Variants in PAQR9 observed in about 807,000 individuals in gnomAD.
The protein encoded by PAQR9 is membrane progestin receptor epsilon.
PAQR9 carries 12 observed loss-of-function variants against 24.0 expected under a neutral mutation model. That is an observed-to-expected ratio of 0.50 (90% CI 0.32 to 0.81). PAQR9 has a LOEUF of 0.81. Among genes scored for constraint, PAQR9 ranks in the 30% least tolerant of loss-of-function variants. PAQR9 has a pLI of 0.03. For missense variants in PAQR9, 418 were observed against 520.8 expected, an observed-to-expected ratio of 0.80 and a Z score of 1.92; for synonymous variants, 266 against 237.6, an observed-to-expected ratio of 1.12 and a Z score of -1.10.
Position 142,962,388 on chromosome 3 carries a change from A to C in PAQR9, c.949T>G (p.Phe317Val). ...IGHSHQLFHI[F>V]TFLSIYDQVY... The stretch of plus-strand genomic sequence containing the variant: ...TGGTCGTAGATGCTGAGGAAGGTGA[A>C]GATGTGGAAGAGCTGGTGGCTGTGG... The change falls in exon 1 of 1, where the codon TTC (phenylalanine) becomes GTC (valine). Residue 317 changes from phenylalanine (F) to valine (V), a missense_variant. Transcript: ENST00000340634. 1 of 1,614,144 alleles carries C rather than the reference A, an allele frequency of 6.2e-7. No individual in the cohort carries two copies. The highest frequency in any genetic ancestry group is 8.5e-7 in the Non-Finnish European group (1 of 1,180,026).
chr3:142,950,661 G>A (rs115884968), downstream of PAQR9: 1,592 of 284,298 alleles, frequency 5.6e-3, 25 homozygotes, highest in African/African-American at 0.033. Context: ...ATGAAGACCT[G>A]TGCAGGCAAG....
chr3:142,963,691 G>T, upstream of PAQR9: 2 of 658,512 alleles, frequency 3.0e-6, no homozygotes, highest in Non-Finnish European at 3.8e-6. Context: ...CGCGCGGTGC[G>T]GGTGCCTCCG....
chr3:142,950,445 T>G, downstream of PAQR9: 1 of 256,100 alleles, frequency 3.9e-6, no homozygotes. Context: ...GAAGAGTTGT[T>G]GATTTTTCAG....
downstream of PAQR9, chr3:142,952,741 G>A (rs1286895025): frequency 4.4e-6 from 2 of 456,500 alleles, no homozygotes; most frequent in Admixed American, 2.3e-5. Flanking sequence ...AGCCAGGGCT[G>A]AGGATTCCAG....
In PAQR9 at chr3:142,960,961, T is replaced by C. The variant is rs1934879330; in HGVS notation, c.*1242A>G. ...TATTCTTGGATATTATGTTTTTAAT[T>C]TTAAGCAAGGATGGATGGCATCAGT... On this transcript the variant is annotated 3_prime_UTR_variant, in exon 1 of 1. Coordinates refer to ENST00000340634, the MANE Select transcript of PAQR9 (RefSeq NM_198504.4). 6.6e-6 allele frequency: 1 copy of C among 152,246 alleles called. No homozygotes were observed. The highest frequency in any genetic ancestry group is 2.4e-5 in the African/African-American group (1 of 41,454). 9.4% of individuals were successfully genotyped at this position (152,246 alleles called of 1,614,324 possible).
chr3:142,959,095 C>A lies in PAQR9; in HGVS notation c.*3108G>T, dbSNP rs544184002. Among the ~76,000 whole-genome samples the A allele has an allele frequency of 5.9e-5, 9 of 152,290 alleles. No individual in the cohort carries two copies. In the East Asian group the frequency reaches 1.7e-3, roughly 29 times the overall value. On this transcript the variant is annotated 3_prime_UTR_variant, in exon 1 of 1. Transcript: ENST00000340634. ...ATATTACATAATATGCTTCAAAATTCTACTGCCAAAATAGGTTGTACATAG... is the reference window on the plus strand; with the variant it reads ...ATATTACATAATATGCTTCAAAATTATACTGCCAAAATAGGTTGTACATAG...
At chr3:142,963,869 C>T (rs949090810), upstream of PAQR9, 462 of 985,256 alleles carry the variant, frequency 4.7e-4, no homozygotes, top group Non-Finnish European at 5.2e-4. Context: ...CTCCTCGGGC[C>T]GCCGCAGCCC....
At chr3:142,950,920 C>G (rs1023524620), downstream of PAQR9, among the ~76,000 whole-genome samples, 4 of 152,148 alleles carry the variant, frequency 2.6e-5, no homozygotes, top group African/African-American at 9.7e-5. Context: ...TATTTTAGAT[C>G]AAAGACTTAC....
chr3:142,957,654 A>G lies in PAQR9; in HGVS notation c.*4549T>C, dbSNP rs370028207. On this transcript the variant is annotated 3_prime_UTR_variant, in exon 1 of 1. Transcript: ENST00000340634. ...GCACTTTGGATGATCCACTCTTCAT[A>G]ATAGTATGAATACTATCAATCTTCC... is the stretch of plus-strand genomic sequence containing the variant. 9.2e-5 allele frequency among the ~76,000 whole-genome samples: 14 copies of G among 152,346 alleles called. No individual in the cohort carries two copies. The East Asian group carries it at 2.7e-3, about 29-fold the overall frequency.
downstream of PAQR9, among the ~76,000 whole-genome samples, chr3:142,952,334 G>A (rs552150053): frequency 2.6e-5 from 4 of 152,186 alleles, no homozygotes; most frequent in African/African-American, 9.6e-5. Flanking sequence ...GCATCACTTC[G>A]GGGTCACTGG....
In PAQR9 at chr3:142,962,076, T is replaced by C. The variant is rs1412892553; in HGVS notation, c.*127A>G. On this transcript the variant is annotated 3_prime_UTR_variant, in exon 1 of 1. Transcript: ENST00000340634. ...CCTTTGTAGCAGTGAACTTTTTCCC[T>C]ATGGTTTTGCAGCACCTTCCTTGAG... 8.6e-7 allele frequency: 1 copy of C among 1,163,784 alleles called. No homozygotes were observed. The highest frequency in any genetic ancestry group is 2.3e-5 in the East Asian group (1 of 42,728). 72.1% of individuals were successfully genotyped at this position (1,163,784 alleles called of 1,614,324 possible).
At chr3:142,951,660 G>A, downstream of PAQR9, 1 of 454,512 alleles carries the variant, frequency 2.2e-6, no homozygotes, top group Non-Finnish European at 4.4e-6. Context: ...ACAAGAATTA[G>A]AATGTCTCTA....
chr3:142,963,846 C>G, upstream of PAQR9: 3 of 985,284 alleles, frequency 3.0e-6, no homozygotes, highest in Non-Finnish European at 3.6e-6. Context: ...GTCTCGAGTT[C>G]CGTACCATCC....
At position 142,955,087 on chromosome 3, in the gene PAQR9, A is replaced by G. The variant is rs1934770762; in HGVS notation, c.*7116T>C. 6.6e-6 allele frequency among the ~76,000 whole-genome samples: 1 copy of G among 152,116 alleles called. No individual in the cohort carries two copies. The highest frequency in any genetic ancestry group is 6.5e-5 in the Admixed American group (1 of 15,282). ...ATGAACTTAAAAACAAAAACAAAAA[A>G]CAGACACATGAAGGTCTCTATTTGA... On this transcript the variant is annotated 3_prime_UTR_variant, in exon 1 of 1. Transcript: ENST00000340634.
chr3:142,962,338 C>A lies in PAQR9; in HGVS notation c.999G>T (p.Leu333=), dbSNP rs751434392. ...CAGGCGGCGCCTGGAGGAACTGGCG[C>A]AGGCCCTCTTCTACGTAGTACACCT... ...YDQVYYVEEG[L]RQFLQAPPAA... The change falls in exon 1 of 1, where the codon CTG becomes CTT. Residue 333 remains leucine (L), a synonymous_variant. Coordinates refer to ENST00000340634, the MANE Select transcript of PAQR9 (RefSeq NM_198504.4). The A allele has an allele frequency of 1.2e-6, 2 of 1,614,114 alleles. No homozygotes were observed. The highest frequency in any genetic ancestry group is 1.7e-6 in the Non-Finnish European group (2 of 1,180,028).
At position 142,959,294 on chromosome 3, in the gene PAQR9, T is replaced by G. The variant is rs571053711; in HGVS notation, c.*2909A>C. Among the ~76,000 whole-genome samples the G allele has an allele frequency of 1.3e-5, 2 of 152,318 alleles. No homozygotes were observed. Among genetic ancestry groups the G allele is most frequent in the East Asian group, 3.9e-4 (2 of 5,190 alleles). ...TGTGTAATAAACCTGGATAGTTCCG[T>G]GCAAATGGGGAGATTCAAAGTAAAT... On this transcript the variant is annotated 3_prime_UTR_variant, in exon 1 of 1. Transcript: ENST00000340634.
At chr3:142,950,339 C>T (rs1934696549), downstream of PAQR9, 1 of 164,478 alleles carries the variant, frequency 6.1e-6, no homozygotes, top group East Asian at 1.7e-4. Flanking sequence ...GGTTCCTGCT[C>T]TGTTAAATTG....
Position 142,962,341 on chromosome 3 carries a change from G to T in PAQR9, c.996C>A (p.Gly332=). 1 of 1,614,112 alleles carries T rather than the reference G, an allele frequency of 6.2e-7. No homozygotes were observed. Among genetic ancestry groups the T allele is most frequent in the Admixed American group, 1.7e-5 (1 of 60,022 alleles). The part of the protein sequence containing the change: ...IYDQVYYVEE[G]LRQFLQAPPA... Reference sequence around the variant, plus strand: ...GCGGCGCCTGGAGGAACTGGCGCAGGCCCTCTTCTACGTAGTACACCTGGT... The same window carrying T: ...GCGGCGCCTGGAGGAACTGGCGCAGTCCCTCTTCTACGTAGTACACCTGGT... The change falls in exon 1 of 1, where the codon GGC becomes GGA. Residue 332 remains glycine (G), a synonymous_variant. Transcript: ENST00000340634.
In PAQR9 at chr3:142,955,442, TAAAAAAAAAAAAAAAAAAAAAAA is replaced by T. The variant is rs150071656; in HGVS notation, c.*6738_*6760del. Among the ~76,000 whole-genome samples, 10 of 21,576 alleles carry T rather than the reference TAAAAAAAAAAAAAAAAAAAAAAA, an allele frequency of 4.6e-4. No homozygotes were observed. Among genetic ancestry groups the T allele is most frequent in the African/African-American group, 1.1e-3 (9 of 8,566 alleles). 14.2% of individuals were successfully genotyped at this position (21,576 alleles called of 152,430 possible). A position where few individuals can be genotyped will look rare whatever the true frequency, so the allele number is the denominator to read the frequency against. On this transcript the variant is annotated 3_prime_UTR_variant, in exon 1 of 1. Transcript: ENST00000340634. ...GAGCGACCACATGGTCTATACAAAT[TAAAAAAAAAAAAAAAAAAAAAAA>T]AAAAAAAAAAAAGCAGCCACAGAAT...
Sources: gnomAD v4.1 joint callset for allele counts (sites outside exome capture counted in the v4.1 genomes callset) on GRCh38, gnomAD v4.1.1 for gene constraint, MANE v1.5 for transcripts, NCBI Gene and HGNC (gene_info 2026-07-23, HGNC 2026-07-21) for gene names.